CCDC178: variants seen among roughly 807,000 people sequenced by gnomAD.
CCDC178 encodes the protein coiled-coil domain containing 178, also known as coiled-coil domain-containing protein 178.
CCDC178 carries 126 observed loss-of-function variants against 117.4 expected under a neutral mutation model. That is an observed-to-expected ratio of 1.07 (90% CI 0.93 to 1.24). The LOEUF is 1.24. Ranked by LOEUF, CCDC178 falls within the 50% of genes most tolerant of loss-of-function variation. The probability of loss-of-function intolerance (pLI) is 0.00; values close to 1 mark genes in which losing one functional copy is unlikely to be tolerated. For synonymous variants in CCDC178, 283 were observed against 313.4 expected (o/e 0.90, Z 1.02); for missense variants, 1,030 against 986.9 (o/e 1.04, Z -0.59).
chr18:33,124,307 A>G (rs2057975069), intron 20 of CCDC178, among the ~76,000 whole-genome samples: 1 of 152,186 alleles, frequency 6.6e-6, no homozygotes, highest in Non-Finnish European at 1.5e-5. Flanking sequence ...TGTCTCATCG[A>G]TAACAAATGT....
At chr18:33,182,293 A>G (rs889217424) in intron 20 of CCDC178, among the ~76,000 whole-genome samples, 1 of 151,918 alleles carries the variant, frequency 6.6e-6, no homozygotes, top group Non-Finnish European at 1.5e-5. Flanking sequence ...TCCAAGCTGA[A>G]TAACAAGTAG....
At chr18:33,067,344 C>G (rs1485121298) in intron 21 of CCDC178, among the ~76,000 whole-genome samples, 33 of 152,114 alleles carry the variant, frequency 2.2e-4, no homozygotes, top group Non-Finnish European at 7.4e-5. Context: ...GCTATGAAAT[C>G]TATCAAAAGC....
chr18:33,427,116 A>G (rs2064135290), intron 2 of CCDC178, among the ~76,000 whole-genome samples: 2 of 152,126 alleles, frequency 1.3e-5, no homozygotes, highest in African/African-American at 4.8e-5. Context: ...TGCAGTCACT[A>G]TGATTCATTC....
chr18:33,061,005 T>C (rs749904917), intron 21 of CCDC178, among the ~76,000 whole-genome samples: 9 of 152,112 alleles, frequency 5.9e-5, no homozygotes, highest in Non-Finnish European at 1.2e-4. Context: ...TGTTATAATC[T>C]AAAAAATTAT....
intron 5 of CCDC178, among the ~76,000 whole-genome samples, chr18:33,388,788 C>T (rs1015487912): frequency 5.3e-5 from 8 of 151,962 alleles, no homozygotes; most frequent in Admixed American, 5.2e-4. Flanking sequence ...CAAAGTTACA[C>T]CACAGAATAT....
At chr18:33,394,964 T>TAC (rs1555697688) in intron 4 of CCDC178, among the ~76,000 whole-genome samples, 1 of 132,624 alleles carries the variant, frequency 7.5e-6, no homozygotes, top group African/African-American at 2.8e-5. Flanking sequence ...TATATATATA[T>TAC]ATATATATAT....
intron 21 of CCDC178, among the ~76,000 whole-genome samples, chr18:32,990,460 C>A (rs1393564257): frequency 6.6e-6 from 1 of 151,612 alleles, no homozygotes; most frequent in Non-Finnish European, 1.5e-5. Context: ...AAATATTAAA[C>A]CTAAAGTTAT....
intron 6 of CCDC178, among the ~76,000 whole-genome samples, chr18:33,363,083 A>C (rs772147646): frequency 6.6e-6 from 1 of 152,012 alleles, no homozygotes; most frequent in Non-Finnish European, 1.5e-5. Flanking sequence ...CTATCTTCTC[A>C]ATTGTTCTGT....
At chr18:33,189,755 A>T (rs976180149) in intron 20 of CCDC178, among the ~76,000 whole-genome samples, 1 of 152,186 alleles carries the variant, frequency 6.6e-6, no homozygotes, top group Non-Finnish European at 1.5e-5. Context: ...GACTGCATTG[A>T]ATTATGTTAT....
chr18:33,009,072 A>C (rs956539459), intron 21 of CCDC178, among the ~76,000 whole-genome samples: 1 of 151,434 alleles, frequency 6.6e-6, no homozygotes, highest in African/African-American at 2.4e-5. Flanking sequence ...TATTTTTCTT[A>C]CTCCCTTCAT....
chr18:33,134,665 C>T (rs972468471), intron 20 of CCDC178, among the ~76,000 whole-genome samples: 1 of 152,006 alleles, frequency 6.6e-6, no homozygotes, highest in Non-Finnish European at 1.5e-5. Context: ...TTGTTTCGCC[C>T]ATCCCATTTT....
chr18:33,266,668 C>A (rs2059819836), intron 14 of CCDC178, among the ~76,000 whole-genome samples: 1 of 150,534 alleles, frequency 6.6e-6, no homozygotes, highest in Non-Finnish European at 1.5e-5. Context: ...GGAGGGATAG[C>A]ATTAGGAGAT....
At chr18:33,365,176 C>T (rs2063184823) in intron 6 of CCDC178, among the ~76,000 whole-genome samples, 2 of 151,916 alleles carry the variant, frequency 1.3e-5, no homozygotes, top group Non-Finnish European at 2.9e-5. Flanking sequence ...AAGTTAAATA[C>T]AATAGAACTA....
At chr18:33,308,497 C>T (rs781581073) in intron 11 of CCDC178, among the ~76,000 whole-genome samples, 3 of 152,126 alleles carry the variant, frequency 2.0e-5, no homozygotes, top group Non-Finnish European at 4.4e-5. Flanking sequence ...TGAGACTGCA[C>T]TTAGACTTTT....
intron 11 of CCDC178, among the ~76,000 whole-genome samples, chr18:33,309,568 C>T (rs1452710519): frequency 6.6e-6 from 1 of 151,984 alleles, no homozygotes; most frequent in Non-Finnish European, 1.5e-5. Context: ...CATGAAAAAA[C>T]ATGTTTCTAA....
At chr18:33,204,630 C>A (rs975245653) in intron 20 of CCDC178, among the ~76,000 whole-genome samples, 1 of 152,064 alleles carries the variant, frequency 6.6e-6, no homozygotes, top group Admixed American at 6.5e-5. Flanking sequence ...TGAGTAAAGA[C>A]AACTTGGAAA....
chr18:33,171,582 G>C (rs896709573), intron 20 of CCDC178, among the ~76,000 whole-genome samples: 1 of 152,160 alleles, frequency 6.6e-6, no homozygotes, highest in African/African-American at 2.4e-5. Flanking sequence ...CAAAGAGATC[G>C]TAGCTATAGA....
chr18:33,156,409 A>G lies in CCDC178; in HGVS notation c.2238+55487T>C, dbSNP rs548607147. Among the ~76,000 whole-genome samples the G allele has an allele frequency of 6.7e-4, 102 of 151,702 alleles. 1 individual carries two copies. The highest frequency in any genetic ancestry group is 2.4e-3 in the African/African-American group (98 of 41,438). ...TGCTGAAAACGTTTTCTTTTAAACA[A>G]TCTGAAATATATGTGGAAATATCAC... On this transcript the variant is annotated intron_variant, in intron 20 of 22. Transcript: ENST00000383096.
intron 20 of CCDC178, among the ~76,000 whole-genome samples, chr18:33,143,134 T>C (rs1471661): frequency 0.029 from 4,411 of 152,226 alleles, 216 homozygotes; most frequent in African/African-American, 0.1. Context: ...GAAAACCCTT[T>C]TCCTCATTAA....
Sources: allele counts gnomAD v4.1 joint callset (sites outside exome capture counted in the v4.1 genomes callset), GRCh38; gene constraint gnomAD v4.1.1; transcripts MANE v1.5; gene names NCBI Gene and HGNC (gene_info 2026-07-23, HGNC 2026-07-21).